OTUD4: variants seen among roughly 807,000 people sequenced by gnomAD.
OTUD4 encodes OTU domain-containing protein 4.
OTUD4 carries 24 observed loss-of-function variants against 130.4 expected under a neutral mutation model. That is an observed-to-expected ratio of 0.18 (90% CI 0.13 to 0.26). The LOEUF is 0.26. Among genes scored for constraint, OTUD4 ranks in the 10% least tolerant of loss-of-function variants. The probability of loss-of-function intolerance (pLI) is 1.00; values close to 1 mark genes in which losing one functional copy is unlikely to be tolerated. For missense variants in OTUD4, 1,031 were observed against 1,329.4 expected (o/e 0.78, Z 3.49); for synonymous variants, 420 against 472.5 (o/e 0.89, Z 1.44).
At chr4:145,139,365 C>A (rs1750448079) in intron 20 of OTUD4, among the ~76,000 whole-genome samples, 1 of 152,160 alleles carries the variant, frequency 6.6e-6, no homozygotes, top group African/African-American at 2.4e-5. Flanking sequence ...AAAAACTAAT[C>A]TAGGTCAGGA....
chr4:145,169,725 G>A (rs1458048149), intron 3 of OTUD4, among the ~76,000 whole-genome samples: 1 of 152,142 alleles, frequency 6.6e-6, no homozygotes, highest in Non-Finnish European at 1.5e-5. Context: ...TCCCGCCTCT[G>A]CCTCCTATAG....
rs1048165730 is a variant in OTUD4 at position 145,167,379 on chromosome 4, G to C, written c.295-2182C>G. 2.0e-5 allele frequency among the ~76,000 whole-genome samples: 3 copies of C among 152,090 alleles called. No individual in the cohort carries two copies. The East Asian group carries it at 5.8e-4, about 29-fold the overall frequency. On this transcript the variant is annotated intron_variant, in intron 3 of 20. Coordinates refer to ENST00000447906, the MANE Select transcript of OTUD4 (RefSeq NM_001366057.1). The stretch of plus-strand genomic sequence containing the variant: ...AGCTCTGATTTTCAAAATGAAATAG[G>C]TGCCATATATTAAAATAGATCTCTT...
chr4:145,162,091 G>A (rs1751600318), intron 6 of OTUD4, among the ~76,000 whole-genome samples: 1 of 152,060 alleles, frequency 6.6e-6, no homozygotes, highest in Non-Finnish European at 1.5e-5. Flanking sequence ...TCCCACCTCA[G>A]CCTCCCAAGT....
intron 5 of OTUD4, among the ~76,000 whole-genome samples, chr4:145,163,267 C>T (rs181106543): frequency 6.6e-6 from 1 of 152,370 alleles, no homozygotes; most frequent in Non-Finnish European, 1.5e-5. Flanking sequence ...CAATTCCCCT[C>T]TAACTTAACA....
At chr4:145,147,730 G>A (rs1478943848) in intron 13 of OTUD4, among the ~76,000 whole-genome samples, 3 of 152,112 alleles carry the variant, frequency 2.0e-5, no homozygotes, top group Admixed American at 6.6e-5. Flanking sequence ...AAGAAAAACT[G>A]GAAAAAGTGA....
At position 145,159,722 on chromosome 4, in the gene OTUD4, A is replaced by G. The variant is rs79891321; in HGVS notation, c.497-87T>C. The G allele has an allele frequency of 9.5e-4, 1,190 of 1,259,040 alleles. 7 individuals carry two copies. In the African/African-American group the frequency reaches 0.015, roughly 16 times the overall value. The allele number at this position is 1,259,040 out of a possible 1,614,324, so 78.0% of individuals were successfully genotyped here. On this transcript the variant is annotated intron_variant, in intron 6 of 20. Transcript: ENST00000447906. ...ACAGACCATCACATTGTAACTTTCT[A>G]TTGCTCAGGCTTTTAAAATCCTGAC...
chr4:145,153,685 A>AT (rs1222505655), intron 10 of OTUD4, among the ~76,000 whole-genome samples: 1 of 152,192 alleles, frequency 6.6e-6, no homozygotes, highest in Non-Finnish European at 1.5e-5. Context: ...CTTCCTATAA[A>AT]CTGCCCACAC....
intron 11 of OTUD4, among the ~76,000 whole-genome samples, 191 bp downstream of exon 11, chr4:145,152,350 A>T (rs1023844925): frequency 1.3e-5 from 2 of 152,148 alleles, no homozygotes; most frequent in Non-Finnish European, 2.9e-5. Context: ...TGACCTCATG[A>T]TCCACCCATC....
rs1404054395 is a variant in OTUD4, at chr4:145,179,987, C to G, written c.-14G>C. 3 of 1,492,018 alleles carry G rather than the reference C, an allele frequency of 2.0e-6. No individual in the cohort carries two copies. In the East Asian group the frequency reaches 8.2e-5, roughly 41 times the overall value. The allele number at this position is 1,492,018 out of a possible 1,614,324, so 92.4% of individuals were successfully genotyped here. A position where few individuals can be genotyped will look rare whatever the true frequency, so the allele number is the denominator to read the frequency against. On this transcript the variant is annotated 5_prime_UTR_variant, in exon 1 of 21. Coordinates refer to ENST00000447906, the MANE Select transcript of OTUD4 (RefSeq NM_001366057.1). ...GGCAGCCTCCATGTTGCTGGTCCTGCTGCAGGCCAGGCGCGGCGAGGGCTA... is the reference window on the plus strand; with the variant it reads ...GGCAGCCTCCATGTTGCTGGTCCTGGTGCAGGCCAGGCGCGGCGAGGGCTA...
At chr4:145,179,596 G>C (rs1752591660) in intron 1 of OTUD4, 3 of 1,379,044 alleles carry the variant, frequency 2.2e-6, no homozygotes, top group South Asian at 1.6e-5. Flanking sequence ...TCAGGAGAGA[G>C]ACACCCCGTT....
chr4:145,166,797 C>T (rs893087829), intron 3 of OTUD4, among the ~76,000 whole-genome samples: 2 of 152,190 alleles, frequency 1.3e-5, no homozygotes, highest in African/African-American at 4.8e-5. Context: ...CGAGATCGCG[C>T]TGCTGCACTC....
chr4:145,152,838 A>G (rs1300479288), intron 10 of OTUD4, among the ~76,000 whole-genome samples: 1 of 150,372 alleles, frequency 6.7e-6, no homozygotes, highest in Admixed American at 6.6e-5. Flanking sequence ...CTCCTACCTT[A>G]GCCTCCCAAG....
intron 3 of OTUD4, chr4:145,171,426 C>A (rs1752159839): frequency 8.6e-6 from 3 of 347,238 alleles, no homozygotes; most frequent in African/African-American, 4.3e-5. Flanking sequence ...GATTTTTATA[C>A]TACATTTACA....
intron 3 of OTUD4, among the ~76,000 whole-genome samples, chr4:145,169,025 G>A (rs756094587): frequency 3.3e-5 from 5 of 152,210 alleles, no homozygotes; most frequent in Non-Finnish European, 7.3e-5. Context: ...TAGGCTAAGT[G>A]AAAGAAGCCA....
chr4:145,133,955 A>C lies in OTUD4; in HGVS notation c.*3475T>G, dbSNP rs1482415537. Reference sequence around the variant, plus strand: ...TTAAAGTATTATTTGTACTCAGTGTAAGGCTATTATCGTTTTTCATACATA... The same window carrying C: ...TTAAAGTATTATTTGTACTCAGTGTCAGGCTATTATCGTTTTTCATACATA... On this transcript the variant is annotated 3_prime_UTR_variant, in exon 21 of 21. Transcript: ENST00000447906. 6 of 152,770 alleles carry C rather than the reference A, an allele frequency of 3.9e-5. No homozygotes were observed. The highest frequency in any genetic ancestry group is 3.9e-4 in the Admixed American group (6 of 15,302). The allele number at this position is 152,770 out of a possible 1,614,324, so 9.5% of individuals were successfully genotyped here.
chr4:145,161,615 T>A (rs1316132766), intron 6 of OTUD4, among the ~76,000 whole-genome samples: 2 of 152,130 alleles, frequency 1.3e-5, no homozygotes, highest in African/African-American at 2.4e-5. Context: ...CAGGAAACAT[T>A]TGGCAAAATC....
chr4:145,168,867 A>C lies in OTUD4; in HGVS notation c.294+2803T>G, dbSNP rs62345107. 3.3e-5 allele frequency among the ~76,000 whole-genome samples: 5 copies of C among 152,368 alleles called. No homozygotes were observed. The South Asian group carries it at 8.3e-4, about 25-fold the overall frequency. ...ATAAGCAATTGTTCACAGCAGCTTC[A>C]ATTTTAACAACCCAGAACTGTAAAG... On this transcript the variant is annotated intron_variant, in intron 3 of 20. Transcript: ENST00000447906.
intron 2 of OTUD4, among the ~76,000 whole-genome samples, chr4:145,173,434 A>T (rs1752274064): frequency 6.6e-6 from 1 of 152,142 alleles, no homozygotes. Context: ...ATATATGCAA[A>T]ACACTTAATG....
chr4:145,160,403 C>T lies in OTUD4; in HGVS notation c.497-768G>A, dbSNP rs538532018. ...CTTTAAATAAAGTAAAATTTTAAAACTCCAGTCTTGAATATAGGGAAATAT... is the reference window on the plus strand; with the variant it reads ...CTTTAAATAAAGTAAAATTTTAAAATTCCAGTCTTGAATATAGGGAAATAT... On this transcript the variant is annotated intron_variant, in intron 6 of 20. Transcript: ENST00000447906. 4.6e-5 allele frequency among the ~76,000 whole-genome samples: 7 copies of T among 152,314 alleles called. No individual in the cohort carries two copies. The South Asian group carries it at 1.4e-3, about 32-fold the overall frequency.
Sources: gnomAD v4.1 joint callset for allele counts (sites outside exome capture counted in the v4.1 genomes callset) on GRCh38, gnomAD v4.1.1 for gene constraint, MANE v1.5 for transcripts, NCBI Gene and HGNC (gene_info 2026-07-23, HGNC 2026-07-21) for gene names.